PROCR: variants seen among roughly 807,000 people sequenced by gnomAD.
The protein encoded by PROCR is protein C receptor, also known as endothelial protein C receptor.
In PROCR, 22 loss-of-function variants were observed where a neutral mutation model predicts 24.2. The ratio of observed to expected loss-of-function variants is 0.91; its 90% CI spans 0.65 to 1.30. The LOEUF (loss-of-function observed/expected upper bound fraction) is 1.30, where lower values mean the gene tolerates loss of function less well. Among genes scored for constraint, PROCR ranks in the 50% most tolerant of loss-of-function variants. The pLI is 0.00. For missense variants in PROCR, 288 were observed against 307.7 expected, an observed-to-expected ratio of 0.94 and a Z score of 0.48; for synonymous variants, 137 against 139.2, an observed-to-expected ratio of 0.98 and a Z score of 0.11.
chr20:35,205,871 A>G (rs866192868), intron 1 of PROCR, among the ~76,000 whole-genome samples: 1 of 144,508 alleles, frequency 6.9e-6, no homozygotes, highest in Non-Finnish European at 1.5e-5. Flanking sequence ...ATATGTATAC[A>G]TGTATATATG....
intron 1 of PROCR, among the ~76,000 whole-genome samples, chr20:35,183,121 G>C (rs181439265): frequency 4.3e-4 from 66 of 152,018 alleles, no homozygotes; most frequent in African/African-American, 1.4e-3. Flanking sequence ...CTTTGGTCTT[G>C]TAAGATAGAT....
At chr20:35,181,553 G>A (rs1471714296), downstream of PROCR, among the ~76,000 whole-genome samples, 8 of 152,300 alleles carry the variant, frequency 5.3e-5, no homozygotes, top group South Asian at 1.0e-3. Context: ...GATTGCCGGC[G>A]TGAGCCACTG....
downstream of PROCR, among the ~76,000 whole-genome samples, chr20:35,181,901 G>A (rs1268236862): frequency 6.6e-6 from 1 of 152,174 alleles, no homozygotes; most frequent in Non-Finnish European, 1.5e-5. Context: ...TAGAACCAGG[G>A]ACCACAGCCA....
At chr20:35,195,588 A>G (rs2086208391) in intron 1 of PROCR, among the ~76,000 whole-genome samples, 1 of 152,198 alleles carries the variant, frequency 6.6e-6, no homozygotes, top group African/African-American at 2.4e-5. Flanking sequence ...TGGAAGGCCA[A>G]GGTGGGTGGA....
intron 1 of PROCR, among the ~76,000 whole-genome samples, chr20:35,173,430 T>C (rs9784174): frequency 4.0e-3 from 469 of 118,354 alleles, no homozygotes; most frequent in African/African-American, 0.02. Context: ...TTTCTTTTTT[T>C]TTTTTTTTTT....
At chr20:35,178,515 T>G (rs1259451436), downstream of PROCR, among the ~76,000 whole-genome samples, 10 of 48,216 alleles carry the variant, frequency 2.1e-4, 4 homozygotes, top group African/African-American at 6.9e-4. Context: ...CAGTTTTTTT[T>G]TTTTTTTTTT....
chr20:35,213,316 G>C (rs112544177), intron 1 of PROCR, among the ~76,000 whole-genome samples: 10 of 151,854 alleles, frequency 6.6e-5, no homozygotes, highest in African/African-American at 2.4e-4. Context: ...CTGGGTAACG[G>C]AGCGAGACTG....
downstream of PROCR, among the ~76,000 whole-genome samples, chr20:35,181,827 T>C (rs1007496831): frequency 2.0e-5 from 3 of 152,148 alleles, no homozygotes; most frequent in Admixed American, 6.5e-5. Context: ...AAAATAAGTA[T>C]ATTGGAAGGT....
downstream of PROCR, among the ~76,000 whole-genome samples, chr20:35,180,370 C>G (rs1347564718): frequency 6.6e-6 from 1 of 152,192 alleles, no homozygotes; most frequent in Non-Finnish European, 1.5e-5. Context: ...CTGTAGAGGA[C>G]AGTCCTGCAC....
intron 1 of PROCR, among the ~76,000 whole-genome samples, chr20:35,182,621 A>G (rs1159474155): frequency 6.6e-6 from 1 of 152,184 alleles, no homozygotes; most frequent in African/African-American, 2.4e-5. Context: ...TAAAACATAC[A>G]AAAGAGAACA....
At chr20:35,201,842 A>C (rs1482488255) in intron 1 of PROCR, 1 of 152,228 alleles carries the variant, frequency 6.6e-6, no homozygotes, top group Non-Finnish European at 1.5e-5. Flanking sequence ...TAATGATAAA[A>C]GGGTCAATTC....
chr20:35,205,774 T>TACACAC (rs1454339726), intron 1 of PROCR, among the ~76,000 whole-genome samples: 2 of 137,058 alleles, frequency 1.5e-5, no homozygotes, highest in African/African-American at 5.7e-5. Flanking sequence ...TATATATATA[T>TACACAC]ATATATATAT....
At chr20:35,212,408 A>AT (rs954753959) in intron 1 of PROCR, among the ~76,000 whole-genome samples, 34 of 149,434 alleles carry the variant, frequency 2.3e-4, no homozygotes, top group Admixed American at 6.7e-4. Flanking sequence ...TGAAATTCTT[A>AT]TTTTTTTTTT....
At chr20:35,212,170 C>G (rs1403941182) in intron 1 of PROCR, among the ~76,000 whole-genome samples, 6 of 152,102 alleles carry the variant, frequency 3.9e-5, no homozygotes, top group African/African-American at 1.4e-4. Context: ...CAAAGGAGGT[C>G]ACATTAGAGT....
At chr20:35,178,146 G>T (rs1287914938), downstream of PROCR, among the ~76,000 whole-genome samples, 1 of 151,990 alleles carries the variant, frequency 6.6e-6, no homozygotes, top group African/African-American at 2.4e-5. Context: ...GCTCACGCCT[G>T]TAATCCCAGC....
rs367783205 is a variant in PROCR, at chr20:35,174,699, C to A, written c.71-3C>A. ...CCCAGGCTGAAGCTGACTCTGCCCG[C>A]AGGCCTCCAAAGACTTCATATGCTC... is the stretch of plus-strand genomic sequence containing the variant. On this transcript the variant is annotated splice_region_variant and splice_polypyrimidine_tract_variant and intron_variant, in intron 1 of 3. Coordinates refer to ENST00000216968, the MANE Select transcript of PROCR (RefSeq NM_006404.5). 7.4e-6 allele frequency: 12 copies of A among 1,613,848 alleles called. No homozygotes were observed. Among genetic ancestry groups the A allele is most frequent in the Admixed American group, 3.3e-5 (2 of 59,992 alleles).
At chr20:35,212,067 C>A (rs1207217491) in intron 1 of PROCR, among the ~76,000 whole-genome samples, 1 of 151,844 alleles carries the variant, frequency 6.6e-6, no homozygotes, top group Non-Finnish European at 1.5e-5. Context: ...AAACTATGTG[C>A]AAGAGCTAGG....
At position 35,174,754 on chromosome 20, in the gene PROCR, C is replaced by T. The variant is rs756372458; in HGVS notation, c.123C>T (p.His41=). 6.2e-7 allele frequency: 1 copy of T among 1,614,126 alleles called. No individual in the cohort carries two copies. Residue 41 remains histidine (H), a synonymous_variant, in exon 2 of 4, where the codon CAC becomes CAT. Coordinates refer to ENST00000216968, the MANE Select transcript of PROCR (RefSeq NM_006404.5). Reference sequence around the variant, plus strand: ...TCTCCTACTTCCGCGACCCCTATCACGTGTGGTACCAGGGCAACGCGTCGC... The same window carrying T: ...TCTCCTACTTCCGCGACCCCTATCATGTGTGGTACCAGGGCAACGCGTCGC... The part of the protein sequence containing the change: ...LQISYFRDPY[H]VWYQGNASLG...
chr20:35,176,294 G>A lies in PROCR; in HGVS notation c.449G>A (p.Trp150Ter). The A allele has an allele frequency of 6.2e-7, 1 of 1,614,230 alleles. No homozygotes were observed. Among genetic ancestry groups the A allele is most frequent in the Non-Finnish European group, 8.5e-7 (1 of 1,180,044 alleles). The change falls in exon 3 of 4, where the codon TGG becomes TAG. Residue 150 changes from tryptophan (W) to a stop codon, truncating the protein, a stop_gained. Transcript: ENST00000216968. LOFTEE classifies it high-confidence loss of function. ...AGTTTCCGGCCGGAGAGAGCCTTGT[G>A]GCAGGCAGACACCCAGGTCACCTCC... ...FVSFRPERAL[W>*]QADTQVTSGV...
Sources: gnomAD v4.1 joint callset for allele counts (sites outside exome capture counted in the v4.1 genomes callset) on GRCh38, gnomAD v4.1.1 for gene constraint, MANE v1.5 for transcripts, NCBI Gene and HGNC (gene_info 2026-07-23, HGNC 2026-07-21) for gene names.